The following GUCY1A2 variants were observed in gnomAD, a reference collection of about 807,000 sequenced individuals.
The protein encoded by GUCY1A2 is guanylate cyclase 1 soluble subunit alpha 2, also known as guanylate cyclase soluble subunit alpha-2.
GUCY1A2 carries 27 observed loss-of-function variants against 63.5 expected under a neutral mutation model. That is an observed-to-expected ratio of 0.43 (90% CI 0.31 to 0.59). The LOEUF is 0.59. GUCY1A2 is among the 20% of genes least tolerant of loss of function. The probability of loss-of-function intolerance (pLI) is 0.11; values close to 1 mark genes in which losing one functional copy is unlikely to be tolerated. For synonymous variants in GUCY1A2, 364 were observed against 343.5 expected (o/e 1.06, Z -0.66); for missense variants, 768 against 913.3 (o/e 0.84, Z 2.05).
At chr11:106,876,660 T>A (rs754258820) in intron 4 of GUCY1A2, among the ~76,000 whole-genome samples, 1 of 152,206 alleles carries the variant, frequency 6.6e-6, no homozygotes, top group Middle Eastern at 3.4e-3. Flanking sequence ...AATCTAAATC[T>A]CCTGTCCTGA....
In GUCY1A2 at chr11:106,753,235, T is replaced by G. The variant is rs181624158; in HGVS notation, c.1836+23204A>C. Among the ~76,000 whole-genome samples the G allele has an allele frequency of 1.8e-4, 28 of 152,312 alleles. No homozygotes were observed. In the East Asian group the frequency reaches 3.9e-3, roughly 21 times the overall value. On this transcript the variant is annotated intron_variant, in intron 6 of 7. Coordinates refer to ENST00000526355, the MANE Select transcript of GUCY1A2 (RefSeq NM_000855.3). ...GGTTGTTTGTATTTTTCTTGTAAAT[T>G]TGTTGAAGTTCTTTATAGATTCTGG... is the stretch of plus-strand genomic sequence containing the variant.
chr11:106,776,454 A>T lies in GUCY1A2; in HGVS notation c.1821T>A (p.Asp607Glu). Residue 607 changes from aspartate to glutamate, a missense_variant, in exon 6 of 8, where the codon GAT (aspartate) becomes GAA (glutamate). Asp to Glu is a conservative substitution (Grantham distance 45, BLOSUM62 2). Transcript: ENST00000526355. ...GGAGGGTTACCTGAATCGGTCTTCC[A>T]TCAGGTGTCAGCACCTCTTCTGAAA... ...MELSEEVLTP[D>E]GRPIQMRIGI... is the part of the protein sequence containing the mutation. 1 of 1,613,650 alleles carries T rather than the reference A, an allele frequency of 6.2e-7. No homozygotes were observed. The highest frequency in any genetic ancestry group is 1.3e-5 in the African/African-American group (1 of 75,048).
chr11:106,936,580 G>A, intron 4 of GUCY1A2: 4 of 807,584 alleles, frequency 5.0e-6, no homozygotes, highest in Non-Finnish European at 8.0e-6. Flanking sequence ...ATCACTTAGA[G>A]AAAATGTAGA....
chr11:106,923,956 T>C (rs1860484229), intron 4 of GUCY1A2, among the ~76,000 whole-genome samples: 1 of 152,146 alleles, frequency 6.6e-6, no homozygotes, highest in Admixed American at 6.5e-5. Context: ...CATCCATCTA[T>C]TGAGATAAAC....
chr11:106,755,038 G>A (rs1863949877), intron 6 of GUCY1A2, among the ~76,000 whole-genome samples: 2 of 152,104 alleles, frequency 1.3e-5, no homozygotes, highest in Non-Finnish European at 2.9e-5. Context: ...ACTGTTACTG[G>A]TCTGTTAAGA....
At chr11:106,795,374 A>G (rs1864737210) in intron 5 of GUCY1A2, among the ~76,000 whole-genome samples, 1 of 152,200 alleles carries the variant, frequency 6.6e-6, no homozygotes, top group Non-Finnish European at 1.5e-5. Flanking sequence ...TTGGTAAGGG[A>G]AAAAGAGAGA....
At position 106,677,102 on chromosome 11, in the gene GUCY1A2, G is replaced by A. The variant is rs956453005; in HGVS notation, c.*10447C>T. The A allele has an allele frequency of 1.9e-5, 4 of 214,784 alleles. No individual in the cohort carries two copies. The highest frequency in any genetic ancestry group is 3.8e-5 in the Non-Finnish European group (4 of 106,340). 13.3% of individuals were successfully genotyped at this position (214,784 alleles called of 1,614,324 possible). On this transcript the variant is annotated 3_prime_UTR_variant, in exon 8 of 8. Coordinates refer to ENST00000526355, the MANE Select transcript of GUCY1A2 (RefSeq NM_000855.3). ...CAATCATGTGAAAGTGAAAAAGGGA[G>A]GCTCCAGCCCAAATAGTAAAGTACT...
At chr11:106,898,938 G>A (rs559954190) in intron 4 of GUCY1A2, among the ~76,000 whole-genome samples, 1 of 152,256 alleles carries the variant, frequency 6.6e-6, no homozygotes, top group African/African-American at 2.4e-5. Flanking sequence ...AGAAGGCTAT[G>A]CCTGTTGAAG....
intron 6 of GUCY1A2, among the ~76,000 whole-genome samples, chr11:106,750,676 C>T (rs1863866746): frequency 6.6e-6 from 1 of 151,728 alleles, no homozygotes; most frequent in African/African-American, 2.4e-5. Context: ...TGATTCATAC[C>T]AATTACCCCA....
intron 1 of GUCY1A2, among the ~76,000 whole-genome samples, chr11:107,002,285 G>A (rs542714272): frequency 1.3e-5 from 2 of 151,806 alleles, no homozygotes; most frequent in East Asian, 1.9e-4. Context: ...CTAATACCTC[G>A]AGAGTTCCCT....
At chr11:106,774,113 T>C (rs1193046636) in intron 6 of GUCY1A2, among the ~76,000 whole-genome samples, 1 of 152,136 alleles carries the variant, frequency 6.6e-6, no homozygotes, top group African/African-American at 2.4e-5. Context: ...CTTGTCCTTT[T>C]CACACCAATC....
intron 6 of GUCY1A2, among the ~76,000 whole-genome samples, chr11:106,767,504 A>C (rs1591267970): frequency 6.6e-6 from 1 of 152,276 alleles, no homozygotes; most frequent in East Asian, 1.9e-4. Context: ...ATTTTTAGAA[A>C]TGTATGCCTG....
chr11:106,713,098 TG>T (rs1863150057), intron 6 of GUCY1A2, among the ~76,000 whole-genome samples: 1 of 152,218 alleles, frequency 6.6e-6, no homozygotes, highest in South Asian at 2.1e-4. Flanking sequence ...TGCCCCTCCC[TG>T]AGCCACAGCC....
chr11:106,956,487 T>A (rs370599542), intron 3 of GUCY1A2, among the ~76,000 whole-genome samples: 2 of 152,158 alleles, frequency 1.3e-5, no homozygotes, highest in African/African-American at 2.4e-5. Flanking sequence ...GTTGTTGTTG[T>A]TGATGCTGTT....
At chr11:107,003,613 G>A (rs1355391909) in intron 1 of GUCY1A2, among the ~76,000 whole-genome samples, 1 of 152,096 alleles carries the variant, frequency 6.6e-6, no homozygotes, top group Non-Finnish European at 1.5e-5. Flanking sequence ...ACTGAGCTTG[G>A]TCATTCAGTA....
At chr11:106,921,910 T>C (rs903328748) in intron 4 of GUCY1A2, among the ~76,000 whole-genome samples, 1 of 152,138 alleles carries the variant, frequency 6.6e-6, no homozygotes, top group Non-Finnish European at 1.5e-5. Context: ...TAGTACAAAG[T>C]AGGCTCTTGG....
intron 4 of GUCY1A2, among the ~76,000 whole-genome samples, chr11:106,849,648 G>A (rs908851517): frequency 6.6e-6 from 1 of 151,540 alleles, no homozygotes; most frequent in Non-Finnish European, 1.5e-5. Flanking sequence ...AGCTCTGTTT[G>A]TATAAATGTT....
chr11:106,900,344 C>G (rs1038202258), intron 4 of GUCY1A2, among the ~76,000 whole-genome samples: 2 of 152,226 alleles, frequency 1.3e-5, no homozygotes, highest in Middle Eastern at 3.4e-3. Flanking sequence ...CCCCCACACC[C>G]AGCTAATTTT....
rs563151089 is a variant in GUCY1A2 at position 106,878,367 on chromosome 11, G to A, written c.1206+61093C>T. 2.0e-5 allele frequency among the ~76,000 whole-genome samples: 3 copies of A among 151,928 alleles called. 1 individual carries two copies. Among genetic ancestry groups the A allele is most frequent in the African/African-American group, 7.2e-5 (3 of 41,488 alleles). The stretch of plus-strand genomic sequence containing the variant: ...TCCTCACTATTCATAGTAGCAAATA[G>A]AACCAACCTAAATGCCCATCAATGG... On this transcript the variant is annotated intron_variant, in intron 4 of 7. Coordinates refer to ENST00000526355, the MANE Select transcript of GUCY1A2 (RefSeq NM_000855.3).
Sources: allele counts gnomAD v4.1 joint callset (sites outside exome capture counted in the v4.1 genomes callset), GRCh38; gene constraint gnomAD v4.1.1; transcripts MANE v1.5; gene names NCBI Gene and HGNC (gene_info 2026-07-23, HGNC 2026-07-21).